The following ZNF148 variants were observed in gnomAD, a reference collection of about 807,000 sequenced individuals.
The protein encoded by ZNF148 is Beta-Enolase Repressor Factor-1.
ZNF148 carries 7 observed loss-of-function variants against 67.7 expected under a neutral mutation model. The observed-to-expected ratio is 0.10, with a 90% CI of 0.06 to 0.19. The LOEUF (loss-of-function observed/expected upper bound fraction) is 0.19. ZNF148 is among the 10% of genes least tolerant of loss of function. ZNF148 has a pLI of 1.00. For synonymous variants in ZNF148, 333 were observed against 330.7 expected, an observed-to-expected ratio of 1.01 and a Z score of -0.08; for missense variants, 583 against 947.1, an observed-to-expected ratio of 0.62 and a Z score of 5.05.
chr3:125,319,012 C>CA (rs1940649947), intron 3 of ZNF148, among the ~76,000 whole-genome samples: 1 of 152,108 alleles, frequency 6.6e-6, no homozygotes, highest in South Asian at 2.1e-4. Context: ...CCAACCCCCC[C>CA]ACACACCTAA....
chr3:125,272,587 A>C (rs973196602), intron 7 of ZNF148, among the ~76,000 whole-genome samples: 8 of 151,740 alleles, frequency 5.3e-5, no homozygotes, highest in African/African-American at 1.9e-4. Context: ...AAAAAATTTA[A>C]GTATGGTTTA....
intron 3 of ZNF148, among the ~76,000 whole-genome samples, chr3:125,314,219 A>T (rs1229292977): frequency 6.6e-6 from 1 of 152,218 alleles, no homozygotes; most frequent in Non-Finnish European, 1.5e-5. Flanking sequence ...TCTACTGATA[A>T]TAAAAGTATG....
rs911580851 is a variant in ZNF148 at position 125,226,082 on chromosome 3, T to C, written c.*6259A>G. ...TGCTGACAGTGGGTTAACAGAGTCTTATCTGTAAAGAAAAGAACACATATT... is the reference window on the plus strand; with the variant it reads ...TGCTGACAGTGGGTTAACAGAGTCTCATCTGTAAAGAAAAGAACACATATT... On this transcript the variant is annotated 3_prime_UTR_variant, in exon 9 of 9. Coordinates refer to ENST00000360647, the MANE Select transcript of ZNF148 (RefSeq NM_021964.3). 6.6e-6 allele frequency: 1 copy of C among 152,646 alleles called. No individual in the cohort carries two copies. The highest frequency in any genetic ancestry group is 1.5e-5 in the Non-Finnish European group (1 of 68,032). The allele number at this position is 152,646 out of a possible 1,614,324, so 9.5% of individuals were successfully genotyped here.
At chr3:125,344,272 A>G (rs1339704744) in intron 1 of ZNF148, 4 of 413,606 alleles carry the variant, frequency 9.7e-6, no homozygotes, top group African/African-American at 2.0e-5. Flanking sequence ...ACCAAACGAC[A>G]CGAAAGAGAA....
chr3:125,225,904 A>C lies in ZNF148; in HGVS notation c.*6437T>G, dbSNP rs1935614050. On this transcript the variant is annotated 3_prime_UTR_variant, in exon 9 of 9. Coordinates refer to ENST00000360647, the MANE Select transcript of ZNF148 (RefSeq NM_021964.3). Reference sequence around the variant, plus strand: ...GATCATTGCGAGGGCCAATTAGTTTAAATTTGTTCCATGGACCCAGACTGC... The same window carrying C: ...GATCATTGCGAGGGCCAATTAGTTTCAATTTGTTCCATGGACCCAGACTGC... 1.3e-5 allele frequency: 2 copies of C among 152,234 alleles called. No homozygotes were observed. 9.4% of individuals were successfully genotyped at this position (152,234 alleles called of 1,614,324 possible). A position where few individuals can be genotyped will look rare whatever the true frequency, so the allele number is the denominator to read the frequency against.
chr3:125,353,014 A>G (rs1942209772), intron 1 of ZNF148, among the ~76,000 whole-genome samples: 1 of 152,192 alleles, frequency 6.6e-6, no homozygotes, highest in African/African-American at 2.4e-5. Flanking sequence ...ATAACTAAAC[A>G]TGTACTTGCC....
At chr3:125,311,155 C>T (rs566391864) in intron 4 of ZNF148, 1 of 176,346 alleles carries the variant, frequency 5.7e-6, no homozygotes, top group East Asian at 1.5e-4. Flanking sequence ...AGCTGCAAAA[C>T]ACTTTATTGA....
At chr3:125,251,268 C>T (rs1936828487) in intron 7 of ZNF148, among the ~76,000 whole-genome samples, 1 of 152,140 alleles carries the variant, frequency 6.6e-6, no homozygotes, top group South Asian at 2.1e-4. Flanking sequence ...CTTCTAATAC[C>T]ACAAATTAGT....
intron 1 of ZNF148, among the ~76,000 whole-genome samples, chr3:125,374,734 C>G (rs925413259): frequency 5.3e-5 from 8 of 152,066 alleles, no homozygotes; most frequent in African/African-American, 1.9e-4. Flanking sequence ...TGGACAGAGC[C>G]CTGGTGTCTC....
intron 4 of ZNF148, among the ~76,000 whole-genome samples, chr3:125,310,550 A>G (rs1471968045): frequency 6.6e-6 from 1 of 152,166 alleles, no homozygotes; most frequent in African/African-American, 2.4e-5. Context: ...CCACTTTAGG[A>G]AAGTAGAAAA....
chr3:125,365,690 T>C (rs1191506576), intron 1 of ZNF148, among the ~76,000 whole-genome samples: 2 of 152,124 alleles, frequency 1.3e-5, no homozygotes, highest in South Asian at 2.1e-4. Flanking sequence ...TGGTGGTACA[T>C]GCCTGTGGTC....
chr3:125,340,222 A>C (rs190654501), intron 1 of ZNF148, among the ~76,000 whole-genome samples: 31 of 152,326 alleles, frequency 2.0e-4, no homozygotes, highest in African/African-American at 7.0e-4. Context: ...AGATAGTCAC[A>C]TTCCTCCGCC....
chr3:125,261,185 T>A, intron 7 of ZNF148, among the ~76,000 whole-genome samples: 1 of 152,184 alleles, frequency 6.6e-6, no homozygotes, highest in Admixed American at 6.5e-5. Flanking sequence ...AGATAATACA[T>A]TAAGGAACTG....
intron 1 of ZNF148, among the ~76,000 whole-genome samples, chr3:125,340,966 C>T (rs140481234): frequency 8.6e-6 from 1 of 116,000 alleles, no homozygotes; most frequent in Non-Finnish European, 1.6e-5. Flanking sequence ...CCAGCCTGGG[C>T]GACAGAGCGA....
At chr3:125,248,619 G>A (rs571232073) in intron 7 of ZNF148, among the ~76,000 whole-genome samples, 1 of 152,202 alleles carries the variant, frequency 6.6e-6, no homozygotes. Flanking sequence ...CCACCCATAC[G>A]ATGTCACTAT....
rs147032052 is a variant in ZNF148, at chr3:125,304,333, A to G, written c.333+8975T>C. Among the ~76,000 whole-genome samples the G allele has an allele frequency of 1.6e-3, 250 of 152,254 alleles. 2 individuals are homozygous for G. Among genetic ancestry groups the G allele is most frequent in the African/African-American group, 5.4e-3 (225 of 41,548 alleles). On this transcript the variant is annotated intron_variant, in intron 4 of 8. Coordinates refer to ENST00000360647, the MANE Select transcript of ZNF148 (RefSeq NM_021964.3). ...AAAGGGCAGCCTGGACCACCATGTC[A>G]AAAGCTAAGTGGGGTGAAGAAAGTA...
intron 4 of ZNF148, among the ~76,000 whole-genome samples, chr3:125,289,985 T>C (rs1012964172): frequency 4.6e-5 from 7 of 152,116 alleles, no homozygotes; most frequent in Non-Finnish European, 5.9e-5. Flanking sequence ...TCATGCTTAT[T>C]TGCAGGCCTG....
rs1202492317 is a variant in ZNF148, at chr3:125,232,818, G to A, written c.1908C>T (p.Thr636=). Residue 636 remains threonine (T), a synonymous_variant, in exon 9 of 9, where the codon ACC becomes ACT. Coordinates refer to ENST00000360647, the MANE Select transcript of ZNF148 (RefSeq NM_021964.3). This position sits in a 1 kb window ranked among gnomAD's most constrained non-coding sequence, Gnocchi z 4.2. ...PSLNFVTDNQ[T]LPNQPAFSSI... is the part of the protein sequence containing the mutation. ...AAGAGAATGCTGGCTGATTTGGGAG[G>A]GTCTGGTTATCAGTCACAAAGTTAA... 3 of 1,613,782 alleles carry A rather than the reference G, an allele frequency of 1.9e-6. No individual in the cohort carries two copies. The highest frequency in any genetic ancestry group is 1.1e-5 in the South Asian group (1 of 91,072).
intron 1 of ZNF148, among the ~76,000 whole-genome samples, chr3:125,363,040 G>A (rs1041878292): frequency 1.3e-5 from 2 of 152,058 alleles, no homozygotes; most frequent in Non-Finnish European, 2.9e-5. Flanking sequence ...CAGCCACTGA[G>A]GGTCTCATCC....
Sources: allele counts gnomAD v4.1 joint callset (sites outside exome capture counted in the v4.1 genomes callset), GRCh38; gene constraint gnomAD v4.1.1; non-coding constraint Gnocchi (gnomAD v3.1); transcripts MANE v1.5; gene names NCBI Gene and HGNC (gene_info 2026-07-23, HGNC 2026-07-21).